SASH1: variants seen among roughly 807,000 people sequenced by gnomAD.
SASH1 encodes SAM and SH3 domain-containing protein 1.
SASH1 carries 44 observed loss-of-function variants against 125.2 expected under a neutral mutation model. The ratio of observed to expected loss-of-function variants is 0.35; its 90% confidence interval spans 0.28 to 0.45. The LOEUF (loss-of-function observed/expected upper bound fraction) is 0.45. SASH1 is among the 20% of genes least tolerant of loss of function. The pLI, the probability that SASH1 is intolerant of heterozygous loss-of-function variation, is 1.00. For missense variants in SASH1, 1,426 were observed against 1,614.5 expected (o/e 0.88, Z 2.00); for synonymous variants, 639 against 649.1 (o/e 0.98, Z 0.24).
chr6:148,547,870 A>G (rs541556900), intron 19 of SASH1, among the ~76,000 whole-genome samples: 140 of 152,318 alleles, frequency 9.2e-4, no homozygotes, highest in Admixed American at 1.3e-4. Flanking sequence ...GGTTGTTAAC[A>G]TAGATTCAAA....
At chr6:148,255,834 G>T in the SASH1 span, among the ~76,000 whole-genome samples, 1 of 151,996 alleles carries the variant, frequency 6.6e-6, no homozygotes. Context: ...TAGAGAGGGG[G>T]TTTCACCATG....
At chr6:148,333,616 C>T (rs1320855101) in intron 1 of SASH1, among the ~76,000 whole-genome samples, 1 of 152,138 alleles carries the variant, frequency 6.6e-6, no homozygotes. Context: ...GGCTGGAGTG[C>T]AATGGCGCGA....
chr6:148,542,966 C>T (rs927337060), intron 17 of SASH1, among the ~76,000 whole-genome samples: 3 of 152,044 alleles, frequency 2.0e-5, no homozygotes, highest in African/African-American at 7.2e-5. Flanking sequence ...AAAGCTTATC[C>T]AACAGCAGCA....
the SASH1 span, among the ~76,000 whole-genome samples, chr6:148,232,194 A>G: frequency 2.7e-3 from 408 of 152,288 alleles, 1 homozygote; most frequent in Non-Finnish European, 4.5e-3. Flanking sequence ...AATTGGCTGA[A>G]TGTTGTCATT....
intron 2 of SASH1, among the ~76,000 whole-genome samples, chr6:148,395,453 C>T (rs563387780): frequency 4.9e-4 from 75 of 152,264 alleles, no homozygotes; most frequent in Non-Finnish European, 8.5e-4. Context: ...CTTAATCACC[C>T]GGATCCTGAC....
At chr6:148,395,767 A>C (rs966624343) in intron 2 of SASH1, among the ~76,000 whole-genome samples, 3 of 152,158 alleles carry the variant, frequency 2.0e-5, no homozygotes, top group Non-Finnish European at 2.9e-5. Flanking sequence ...GAGAAGCTGC[A>C]ATCAGAAATG....
chr6:148,489,073 G>C (rs1778993454), intron 8 of SASH1, among the ~76,000 whole-genome samples: 1 of 151,928 alleles, frequency 6.6e-6, no homozygotes, highest in South Asian at 2.1e-4. Context: ...GTTGCCCTCT[G>C]GTTTTTTCTG....
intron 6 of SASH1, among the ~76,000 whole-genome samples, chr6:148,472,186 A>C (rs1422279445): frequency 6.6e-6 from 1 of 152,224 alleles, no homozygotes; most frequent in African/African-American, 2.4e-5. Flanking sequence ...TAGATTAAAA[A>C]GTTTTCCTTG....
At chr6:148,507,948 T>C (rs1459734957) in intron 8 of SASH1, among the ~76,000 whole-genome samples, 1 of 152,212 alleles carries the variant, frequency 6.6e-6, no homozygotes, top group East Asian at 1.9e-4. Flanking sequence ...TGTGTGGGTT[T>C]TTAGTCCTGT....
chr6:148,306,575 G>A (rs1041054289), intron 1 of SASH1, among the ~76,000 whole-genome samples: 3 of 152,186 alleles, frequency 2.0e-5, no homozygotes, highest in Non-Finnish European at 4.4e-5. Flanking sequence ...CAATCTTGCT[G>A]TGGTAGGGGA....
At chr6:148,438,917 C>A (rs539548599) in intron 2 of SASH1, among the ~76,000 whole-genome samples, 1 of 152,080 alleles carries the variant, frequency 6.6e-6, no homozygotes, top group Non-Finnish European at 1.5e-5. Flanking sequence ...ACTCTATATT[C>A]GTGCTGGATT....
chr6:148,204,563 G>A, the SASH1 span, among the ~76,000 whole-genome samples: 12 of 152,152 alleles, frequency 7.9e-5, no homozygotes, highest in African/African-American at 2.4e-4. Context: ...ATGGTGGCAG[G>A]CACCTGTAAT....
At chr6:148,369,381 T>A (rs145119119) in intron 1 of SASH1, among the ~76,000 whole-genome samples, 228 of 152,294 alleles carry the variant, frequency 1.5e-3, no homozygotes, top group African/African-American at 5.3e-3. Flanking sequence ...TGCAGGAAAG[T>A]TTTTTGAAGA....
chr6:148,329,713 G>A (rs1780935010), intron 1 of SASH1, among the ~76,000 whole-genome samples: 1 of 152,164 alleles, frequency 6.6e-6, no homozygotes, highest in South Asian at 2.1e-4. Context: ...GAGGAACATG[G>A]CCTTCAACAA....
At chr6:148,275,864 G>T (rs1317501866) in intron 1 of SASH1, among the ~76,000 whole-genome samples, 7 of 152,284 alleles carry the variant, frequency 4.6e-5, no homozygotes, top group African/African-American at 1.4e-4. Flanking sequence ...AGGGACTATA[G>T]GCATGCATGA....
intron 1 of SASH1, among the ~76,000 whole-genome samples, chr6:148,284,900 G>A (rs9399642): frequency 0.57 from 86,811 of 152,124 alleles, 25,306 homozygotes; most frequent in African/African-American, 0.67. Context: ...GGGTATGAAC[G>A]TTTTTAAGGC....
chr6:148,343,236 G>C lies in SASH1; in HGVS notation c.156+13G>C. The stretch of plus-strand genomic sequence containing the variant: ...GATGGGTATCCTGGTAAGTTACCTG[G>C]GGAGGGGGCGGCGCAGGAAGTACAG... On this transcript the variant is annotated intron_variant, in intron 1 of 19. Coordinates refer to ENST00000367467, the MANE Select transcript of SASH1 (RefSeq NM_015278.5). The C allele has an allele frequency of 1.3e-6, 2 of 1,581,368 alleles. No individual in the cohort carries two copies. Among genetic ancestry groups the C allele is most frequent in the Middle Eastern group, 1.7e-4 (1 of 6,012 alleles).
chr6:148,382,116 TCAGCAGC>T (rs1285502381), intron 1 of SASH1, among the ~76,000 whole-genome samples: 1 of 139,788 alleles, frequency 7.2e-6, no homozygotes, highest in African/African-American at 2.6e-5. Context: ...TGGAAGTGAA[TCAGCAGC>T]ATATTTTTTT....
the SASH1 span, among the ~76,000 whole-genome samples, chr6:148,256,181 CA>C: frequency 6.6e-6 from 1 of 152,138 alleles, no homozygotes; most frequent in African/African-American, 2.4e-5. Context: ...TTCTATGAAC[CA>C]GCCATGGTCT....
Sources: gnomAD v4.1 joint callset for allele counts (sites outside exome capture counted in the v4.1 genomes callset) on GRCh38, gnomAD v4.1.1 for gene constraint, MANE v1.5 for transcripts, NCBI Gene and HGNC (gene_info 2026-07-23, HGNC 2026-07-21) for gene names.